Variants in RAB30 observed in about 807,000 individuals in gnomAD.
The protein encoded by RAB30 is ras-related protein Rab-30.
RAB30 carries 9 observed loss-of-function variants against 25.1 expected under a neutral mutation model. The ratio of observed to expected loss-of-function variants is 0.36; its 90% CI spans 0.22 to 0.63. The LOEUF (loss-of-function observed/expected upper bound fraction) is 0.63, where lower values mean the gene tolerates loss of function less well. Among genes scored for constraint, RAB30 ranks in the 20% least tolerant of loss-of-function variants. The probability of loss-of-function intolerance (pLI) is 0.69; values close to 1 mark genes in which losing one functional copy is unlikely to be tolerated. For synonymous variants in RAB30, 77 were observed against 86.4 expected, an observed-to-expected ratio of 0.89 and a Z score of 0.60; for missense variants, 140 against 243.5, an observed-to-expected ratio of 0.58 and a Z score of 2.83.
intron 1 of RAB30, among the ~76,000 whole-genome samples, chr11:83,062,872 G>T (rs1405403370): frequency 6.6e-6 from 1 of 151,930 alleles, no homozygotes; most frequent in African/African-American, 2.4e-5. Flanking sequence ...GCATGGTGGT[G>T]GGCACCTGTA....
intron 1 of RAB30, among the ~76,000 whole-genome samples, chr11:83,007,920 T>G (rs1041822758): frequency 6.6e-6 from 1 of 152,236 alleles, no homozygotes; most frequent in African/African-American, 2.4e-5. Context: ...ACTTGCTGTT[T>G]CTGTCTTCTG....
At chr11:83,026,099 GA>G (rs2121513093) in intron 1 of RAB30, among the ~76,000 whole-genome samples, 1 of 152,212 alleles carries the variant, frequency 6.6e-6, no homozygotes, top group Non-Finnish European at 1.5e-5. Flanking sequence ...ACTGAGATGG[GA>G]GGATCACTTG....
At chr11:82,997,962 T>G (rs1344199122) in intron 1 of RAB30, among the ~76,000 whole-genome samples, 1 of 152,156 alleles carries the variant, frequency 6.6e-6, no homozygotes, top group Non-Finnish European at 1.5e-5. Context: ...ATGTGCCATT[T>G]CTTCTGCCTG....
intron 1 of RAB30, among the ~76,000 whole-genome samples, chr11:83,030,561 GC>G (rs1857832724): frequency 6.6e-6 from 1 of 152,070 alleles, no homozygotes; most frequent in African/African-American, 2.4e-5. Flanking sequence ...ACTTTAGGAG[GC>G]CGAAGTGGGC....
At position 83,003,699 on chromosome 11, in the gene RAB30, G is replaced by A. The variant is rs561254646; in HGVS notation, c.-8-6375C>T. Among the ~76,000 whole-genome samples the A allele has an allele frequency of 3.3e-5, 5 of 151,964 alleles. No homozygotes were observed. The East Asian group carries it at 9.8e-4, about 30-fold the overall frequency. On this transcript the variant is annotated intron_variant, in intron 1 of 4. Coordinates refer to ENST00000527633, the MANE Select transcript of RAB30 (RefSeq NM_001286060.2). ...GCCTCCCAAAGTGCTGGGATTATAG[G>A]CATGAGCCACCACACCTGGCTCTAG... is the stretch of plus-strand genomic sequence containing the variant.
chr11:83,042,389 C>G (rs1258058139), intron 1 of RAB30, among the ~76,000 whole-genome samples: 1 of 151,860 alleles, frequency 6.6e-6, no homozygotes, highest in Non-Finnish European at 1.5e-5. Flanking sequence ...CCCATCTCTA[C>G]TAAAAAAAAT....
At chr11:83,036,253 A>C in intron 1 of RAB30, among the ~76,000 whole-genome samples, 1 of 145,970 alleles carries the variant, frequency 6.9e-6, no homozygotes, top group Non-Finnish European at 1.5e-5. Flanking sequence ...TGCAACCTCC[A>C]CCTCCCAGGT....
intron 1 of RAB30, among the ~76,000 whole-genome samples, chr11:83,047,888 T>C (rs1858267327): frequency 6.6e-6 from 1 of 152,196 alleles, no homozygotes; most frequent in South Asian, 2.1e-4. Flanking sequence ...ACACACTTCA[T>C]TGTCATACTG....
At chr11:83,009,435 T>A (rs1167063084) in intron 1 of RAB30, among the ~76,000 whole-genome samples, 1 of 152,110 alleles carries the variant, frequency 6.6e-6, no homozygotes, top group African/African-American at 2.4e-5. Context: ...AAAAAGTCTA[T>A]GAAATCAAGA....
rs1030107094 is a variant in RAB30 at position 83,031,719 on chromosome 11, G to A, written c.-8-34395C>T. 3.3e-5 allele frequency among the ~76,000 whole-genome samples: 5 copies of A among 152,164 alleles called. No individual in the cohort carries two copies. The East Asian group carries it at 7.7e-4, about 24-fold the overall frequency. On this transcript the variant is annotated intron_variant, in intron 1 of 4. Transcript: ENST00000527633. ...ATTTTGTATTTTTAGGAGAGATGGG[G>A]TTTCTCCATGTTGGTCAGACTGGTC...
chr11:83,031,465 T>C (rs911660122), intron 1 of RAB30, among the ~76,000 whole-genome samples: 1 of 152,096 alleles, frequency 6.6e-6, no homozygotes, highest in African/African-American at 2.4e-5. Flanking sequence ...AGAGACTTGA[T>C]GAGATTTTAG....
chr11:83,031,654 A>G (rs1857863520), intron 1 of RAB30, among the ~76,000 whole-genome samples: 1 of 151,838 alleles, frequency 6.6e-6, no homozygotes, highest in Non-Finnish European at 1.5e-5. Context: ...CAGCCTCCAG[A>G]GTAGCTGGGA....
At chr11:83,062,821 C>T (rs527798129) in intron 1 of RAB30, among the ~76,000 whole-genome samples, 4 of 151,494 alleles carry the variant, frequency 2.6e-5, no homozygotes, top group South Asian at 2.1e-4. Context: ...GCCAACAAGG[C>T]GGAACCCCAT....
intron 2 of RAB30, among the ~76,000 whole-genome samples, chr11:82,995,873 T>C (rs1267542232): frequency 6.6e-6 from 1 of 152,208 alleles, no homozygotes; most frequent in Admixed American, 6.5e-5. Flanking sequence ...CTTTCATCTA[T>C]AAAGTGAGAG....
At chr11:83,029,675 C>T (rs1857807384) in intron 1 of RAB30, among the ~76,000 whole-genome samples, 1 of 152,082 alleles carries the variant, frequency 6.6e-6, no homozygotes, top group Admixed American at 6.5e-5. Context: ...TATTATCACA[C>T]CTGAATAAAA....
rs147992409 is a variant in RAB30 at position 83,069,204 on chromosome 11, C to A, written c.-9+2487G>T. Among the ~76,000 whole-genome samples the A allele has an allele frequency of 4.1e-3, 621 of 152,242 alleles. 6 individuals are homozygous for A. The highest frequency in any genetic ancestry group is 0.014 in the African/African-American group (586 of 41,538). ...CTAACACTACATTCAGCCCATTTCT[C>A]CTCCCTAGGACAATAAAAGAAACTT... is the stretch of plus-strand genomic sequence containing the variant. On this transcript the variant is annotated intron_variant, in intron 1 of 4. Coordinates refer to ENST00000527633, the MANE Select transcript of RAB30 (RefSeq NM_001286060.2).
At chr11:82,987,826 G>GAA in intron 3 of RAB30, 56 bp from the exon 4 acceptor site, 1 of 961,448 alleles carries the variant, frequency 1.0e-6, no homozygotes. Flanking sequence ...GAGAAAAAAA[G>GAA]AAAAAAAAAG....
intron 1 of RAB30, among the ~76,000 whole-genome samples, chr11:83,003,264 G>C (rs1857124685): frequency 6.6e-6 from 1 of 152,100 alleles, no homozygotes; most frequent in Non-Finnish European, 1.5e-5. Context: ...ATATATAAAT[G>C]GTTTTTCCCA....
rs1484848322 is a variant in RAB30 at position 82,977,173 on chromosome 11, C to T, written c.*4992G>A. 1 of 152,168 alleles carries T rather than the reference C, an allele frequency of 6.6e-6. No homozygotes were observed. 9.4% of individuals were successfully genotyped at this position (152,168 alleles called of 1,614,324 possible). Reference sequence around the variant, plus strand: ...TAGCAAGTGATAAATGAATATACTTCATGTAACTTCTACTAAAACAATACC... The same window carrying T: ...TAGCAAGTGATAAATGAATATACTTTATGTAACTTCTACTAAAACAATACC... On this transcript the variant is annotated 3_prime_UTR_variant, in exon 5 of 5. Transcript: ENST00000527633.
Sources: allele counts gnomAD v4.1 joint callset (sites outside exome capture counted in the v4.1 genomes callset), GRCh38; gene constraint gnomAD v4.1.1; transcripts MANE v1.5; gene names NCBI Gene and HGNC (gene_info 2026-07-23, HGNC 2026-07-21).